SCAPER: variants seen among roughly 807,000 people sequenced by gnomAD.
SCAPER encodes S-phase cyclin A associated protein in the ER.
A neutral mutation model predicts 182.2 loss-of-function variants in SCAPER; 98 were observed. The observed-to-expected ratio is 0.54, with a 90% CI of 0.46 to 0.64. The LOEUF is 0.64. Among genes scored for constraint, SCAPER ranks in the 30% least tolerant of loss-of-function variants. SCAPER has a pLI of 0.00. For synonymous variants in SCAPER, 605 were observed against 564.6 expected (o/e 1.07, Z -1.01); for missense variants, 1,432 against 1,690.0 (o/e 0.85, Z 2.68).
At chr15:76,436,083 T>A (rs1329282648) in intron 25 of SCAPER, among the ~76,000 whole-genome samples, 1 of 152,240 alleles carries the variant, frequency 6.6e-6, no homozygotes, top group Non-Finnish European at 1.5e-5. Context: ...TTTGTTTTTT[T>A]TGGAGACAGA....
intron 23 of SCAPER, among the ~76,000 whole-genome samples, chr15:76,560,574 T>A (rs1178329232): frequency 6.6e-6 from 1 of 152,194 alleles, no homozygotes; most frequent in Non-Finnish European, 1.5e-5. Context: ...TCCATGCTTT[T>A]AACACTGCTC....
In SCAPER at chr15:76,600,187, T is replaced by C. The variant is rs1460969633; in HGVS notation, c.2711+21577A>G. On this transcript the variant is annotated intron_variant, in intron 22 of 31. Transcript: ENST00000563290. ...TTGAAAAATTTCATGCTAGAAAAAC[T>C]ACAGAAATATCTATTATGATATTCA... is the stretch of plus-strand genomic sequence containing the variant. Among the ~76,000 whole-genome samples the C allele has an allele frequency of 1.7e-5, 2 of 120,358 alleles. 1 individual carries two copies. The highest frequency in any genetic ancestry group is 4.0e-5 in the Non-Finnish European group (2 of 49,820). 79.0% of individuals were successfully genotyped at this position (120,358 alleles called of 152,430 possible). A position where few individuals can be genotyped will look rare whatever the true frequency, so the allele number is the denominator to read the frequency against.
At chr15:76,576,777 G>A (rs2047855216) in intron 22 of SCAPER, 1 of 152,148 alleles carries the variant, frequency 6.6e-6, no homozygotes, top group African/African-American at 2.4e-5. Flanking sequence ...ACTTTGCCTT[G>A]GAAATCAGTG....
At chr15:76,482,257 C>T (rs991980219) in intron 24 of SCAPER, among the ~76,000 whole-genome samples, 58 of 152,222 alleles carry the variant, frequency 3.8e-4, no homozygotes, top group African/African-American at 1.4e-3. Flanking sequence ...AATGGTATAG[C>T]TCCACATAAA....
At chr15:76,408,153 A>T (rs899495147) in intron 26 of SCAPER, among the ~76,000 whole-genome samples, 2 of 152,176 alleles carry the variant, frequency 1.3e-5, no homozygotes, top group Non-Finnish European at 2.9e-5. Flanking sequence ...AATATGACTT[A>T]AGTCTCTTTT....
At chr15:76,418,067 A>G (rs2045780273) in intron 26 of SCAPER, among the ~76,000 whole-genome samples, 1 of 152,216 alleles carries the variant, frequency 6.6e-6, no homozygotes, top group African/African-American at 2.4e-5. Context: ...AGTGTCAGCA[A>G]GATGACCAAT....
chr15:76,782,284 CAAAG>C (rs1011031331), intron 8 of SCAPER, among the ~76,000 whole-genome samples: 1 of 151,976 alleles, frequency 6.6e-6, no homozygotes, highest in Non-Finnish European at 1.5e-5. Context: ...TCAAAAGAGA[CAAAG>C]AAGGCCATTA....
At chr15:76,795,048 C>T (rs1321612880) in intron 8 of SCAPER, among the ~76,000 whole-genome samples, 1 of 152,168 alleles carries the variant, frequency 6.6e-6, no homozygotes, top group Non-Finnish European at 1.5e-5. Flanking sequence ...AGACCTCATT[C>T]TCTTTAAAGT....
intron 24 of SCAPER, among the ~76,000 whole-genome samples, chr15:76,495,435 G>A (rs1003962806): frequency 4.0e-5 from 6 of 151,790 alleles, no homozygotes; most frequent in East Asian, 1.9e-4. Flanking sequence ...AAAATTACCC[G>A]GGCATGGTGG....
chr15:76,608,071 C>G (rs967992053), intron 22 of SCAPER, among the ~76,000 whole-genome samples: 2 of 152,288 alleles, frequency 1.3e-5, no homozygotes, highest in East Asian at 3.9e-4. Context: ...GAGTTGCGTT[C>G]CTTTGCAGGA....
Position 76,757,340 on chromosome 15 carries a change from TGCA to T in SCAPER, c.1726-3395_1726-3393del, listed in dbSNP as rs201088072. ...CATATTCCACATAGAAGTGAGATCA[TGCA>T]GCATTTCTCTCTCTCATTTCACTTA... is the stretch of plus-strand genomic sequence containing the variant. On this transcript the variant is annotated intron_variant, in intron 14 of 31. Coordinates refer to ENST00000563290, the MANE Select transcript of SCAPER (RefSeq NM_020843.4). 4.4e-4 allele frequency among the ~76,000 whole-genome samples: 67 copies of T among 152,212 alleles called. No individual in the cohort carries two copies. In the East Asian group the frequency reaches 0.012, roughly 28 times the overall value.
chr15:76,563,611 T>C (rs1465357910), intron 23 of SCAPER, among the ~76,000 whole-genome samples: 4 of 152,174 alleles, frequency 2.6e-5, no homozygotes, highest in Non-Finnish European at 5.9e-5. Context: ...CTAGTACTAT[T>C]CCTACTGAAA....
At chr15:76,502,984 C>T (rs1275011836) in intron 24 of SCAPER, among the ~76,000 whole-genome samples, 2 of 152,118 alleles carry the variant, frequency 1.3e-5, no homozygotes, top group Admixed American at 6.6e-5. Context: ...ACAATAGCAG[C>T]TTTTGGGAAA....
At chr15:76,618,805 A>T (rs1429603548) in intron 22 of SCAPER, among the ~76,000 whole-genome samples, 1 of 152,226 alleles carries the variant, frequency 6.6e-6, no homozygotes, top group Non-Finnish European at 1.5e-5. Context: ...TACAAAAATG[A>T]GAAAGAAAGT....
intron 3 of SCAPER, among the ~76,000 whole-genome samples, chr15:76,860,698 A>G (rs745541139): frequency 2.0e-5 from 3 of 152,190 alleles, no homozygotes; most frequent in African/African-American, 4.8e-5. Flanking sequence ...ACCACACACT[A>G]TATGTAAGAA....
intron 4 of SCAPER, among the ~76,000 whole-genome samples, chr15:76,854,512 A>G (rs1377783911): frequency 6.6e-6 from 1 of 152,184 alleles, no homozygotes; most frequent in Non-Finnish European, 1.5e-5. Context: ...AAGAATCAAT[A>G]TCATTAAAAC....
intron 24 of SCAPER, among the ~76,000 whole-genome samples, chr15:76,494,898 TAAGGTACAG>T: frequency 6.6e-6 from 1 of 152,202 alleles, no homozygotes; most frequent in Admixed American, 6.5e-5. Flanking sequence ...ATGCAGGCAA[TAAGGTACAG>T]AAGGAAGACC....
chr15:76,832,455 AC>A (rs1230184910), intron 5 of SCAPER, among the ~76,000 whole-genome samples: 1 of 152,220 alleles, frequency 6.6e-6, no homozygotes, highest in African/African-American at 2.4e-5. Flanking sequence ...AATGAACAAA[AC>A]CTCTGAGAAA....
chr15:76,395,606 T>C (rs1318393952), intron 27 of SCAPER, among the ~76,000 whole-genome samples: 1 of 152,230 alleles, frequency 6.6e-6, no homozygotes, highest in African/African-American at 2.4e-5. Flanking sequence ...TCAATGATGT[T>C]GAGCACCTTT....
Sources: gnomAD v4.1 joint callset for allele counts (sites outside exome capture counted in the v4.1 genomes callset) on GRCh38, gnomAD v4.1.1 for gene constraint, MANE v1.5 for transcripts, NCBI Gene and HGNC (gene_info 2026-07-23, HGNC 2026-07-21) for gene names.